Variants in SF3A3 observed in about 807,000 individuals in gnomAD.
SF3A3 encodes the protein splicing factor 3a subunit 3.
SF3A3 carries 9 observed loss-of-function variants against 85.8 expected under a neutral mutation model. The observed-to-expected ratio is 0.10, with a 90% CI of 0.06 to 0.18. SF3A3 has a LOEUF of 0.18. Among genes scored for constraint, SF3A3 ranks in the 10% least tolerant of loss-of-function variants. The pLI is 1.00. For missense variants in SF3A3, 306 were observed against 593.3 expected, an observed-to-expected ratio of 0.52 and a Z score of 5.03; for synonymous variants, 195 against 204.4, an observed-to-expected ratio of 0.95 and a Z score of 0.39.
chr1:37,975,085 C>T (rs1646370555), intron 12 of SF3A3, among the ~76,000 whole-genome samples: 1 of 152,112 alleles, frequency 6.6e-6, no homozygotes, highest in African/African-American at 2.4e-5. Context: ...GCATAATGTC[C>T]AAAAACCAAC....
At chr1:37,979,167 C>A in intron 9 of SF3A3, 112 bp from the exon 10 acceptor site, 1 of 827,940 alleles carries the variant, frequency 1.2e-6, no homozygotes. Flanking sequence ...ACACATTTCA[C>A]AGCCAATCTA....
At chr1:37,985,410 G>A (rs925537032) in intron 4 of SF3A3, among the ~76,000 whole-genome samples, 10 of 121,104 alleles carry the variant, frequency 8.3e-5, no homozygotes, top group Non-Finnish European at 1.7e-4. Flanking sequence ...TCACCTGGGG[G>A]AGTTTTTTTT....
chr1:37,986,643 C>T (rs1422557750), intron 4 of SF3A3, among the ~76,000 whole-genome samples: 3 of 151,686 alleles, frequency 2.0e-5, no homozygotes, highest in African/African-American at 7.3e-5. Context: ...AACCCTGTCT[C>T]AACTAAAAAA....
chr1:37,963,626 G>C (rs1224011045), intron 15 of SF3A3, among the ~76,000 whole-genome samples: 3 of 150,412 alleles, frequency 2.0e-5, no homozygotes, highest in Non-Finnish European at 4.4e-5. Flanking sequence ...GCAGGATCTC[G>C]GCTCACTGCA....
At chr1:37,974,539 T>G (rs576097675) in intron 12 of SF3A3, among the ~76,000 whole-genome samples, 1 of 152,270 alleles carries the variant, frequency 6.6e-6, no homozygotes, top group Admixed American at 6.5e-5. Context: ...CCTGACCTTG[T>G]GATCTGCCCG....
At chr1:37,989,437 G>A (rs542860436) in intron 2 of SF3A3, 111 bp downstream of exon 2, 156 of 1,194,070 alleles carry the variant, frequency 1.3e-4, no homozygotes, top group Non-Finnish European at 4.7e-6. Flanking sequence ...CCCGCGACTG[G>A]CCAATCCGGT....
intron 12 of SF3A3, among the ~76,000 whole-genome samples, chr1:37,975,809 A>G (rs915726739): frequency 3.9e-5 from 6 of 152,378 alleles, no homozygotes; most frequent in African/African-American, 1.4e-4. Flanking sequence ...TATCTGATCC[A>G]GAGCCATCCA....
chr1:37,980,773 T>C (rs1646412553), intron 7 of SF3A3, 49 bp from the exon 8 acceptor site: 3 of 1,519,098 alleles, frequency 2.0e-6, no homozygotes, highest in East Asian at 4.6e-5. Context: ...TTTCTATTTT[T>C]GGTATCTTGT....
In SF3A3 at chr1:37,965,302, C is replaced by CAAAA. The variant is rs55747818; in HGVS notation, c.1372+2738_1372+2741dup. On this transcript the variant is annotated intron_variant, in intron 15 of 16. Transcript: ENST00000373019. ...GCAACATAAGGAAACCCCATCGGCA[C>CAAAA]AAAAAAAAAAAAAAAAAGAAAATAA... Among the ~76,000 whole-genome samples the CAAAA allele has an allele frequency of 4.0e-4, 40 of 100,292 alleles. 1 individual carries two copies. The highest frequency in any genetic ancestry group is 5.2e-4 in the African/African-American group (13 of 24,822). 65.8% of individuals were successfully genotyped at this position (100,292 alleles called of 152,430 possible). A position where few individuals can be genotyped will look rare whatever the true frequency, so the allele number is the denominator to read the frequency against.
At chr1:37,966,325 G>GCGGT (rs1041047208) in intron 15 of SF3A3, among the ~76,000 whole-genome samples, 1 of 152,104 alleles carries the variant, frequency 6.6e-6, no homozygotes, top group African/African-American at 2.4e-5. Context: ...AGGAAGCCTG[G>GCGGT]CGGTGGTCCT....
At chr1:37,986,736 C>T (rs1429819239) in intron 4 of SF3A3, among the ~76,000 whole-genome samples, 1 of 128,900 alleles carries the variant, frequency 7.8e-6, no homozygotes, top group South Asian at 2.6e-4. Context: ...GGCATGAACT[C>T]GGGAGGTGGA....
At chr1:37,961,341 T>G (rs1300452374) in intron 15 of SF3A3, among the ~76,000 whole-genome samples, 2 of 152,212 alleles carry the variant, frequency 1.3e-5, no homozygotes, top group African/African-American at 4.8e-5. Flanking sequence ...TCCCAGCACT[T>G]TGGGAAGCTG....
chr1:37,984,686 G>C (rs767167929), intron 5 of SF3A3, 21 bp downstream of exon 5: 8 of 1,550,630 alleles, frequency 5.2e-6, no homozygotes, highest in Non-Finnish European at 6.2e-6. Context: ...GGTGCTGAAT[G>C]AAATTTTCAC....
intron 15 of SF3A3, 107 bp from the exon 16 acceptor site, chr1:37,960,282 G>T: frequency 9.6e-7 from 1 of 1,042,368 alleles, no homozygotes; most frequent in Non-Finnish European, 1.5e-6. Flanking sequence ...AGAAGACTCT[G>T]CCTTTGAGAT....
intron 15 of SF3A3, among the ~76,000 whole-genome samples, chr1:37,961,182 T>C (rs896202522): frequency 5.3e-5 from 8 of 152,100 alleles, no homozygotes; most frequent in Non-Finnish European, 1.0e-4. Flanking sequence ...AAGCCTAAGA[T>C]GGGTGAATGA....
chr1:37,968,347 T>C (rs922324125), intron 14 of SF3A3, among the ~76,000 whole-genome samples: 3 of 152,200 alleles, frequency 2.0e-5, no homozygotes, highest in African/African-American at 7.2e-5. Flanking sequence ...CCTCACTGGG[T>C]TGGCTTGTAA....
intron 15 of SF3A3, among the ~76,000 whole-genome samples, chr1:37,965,302 C>CAAAAA (rs55747818): frequency 2.6e-4 from 26 of 100,324 alleles, no homozygotes; most frequent in East Asian, 5.8e-4. Context: ...CCCATCGGCA[C>CAAAAA]AAAAAAAAAA....
intron 4 of SF3A3, among the ~76,000 whole-genome samples, chr1:37,985,113 C>T (rs1464921183): frequency 3.3e-5 from 5 of 152,078 alleles, no homozygotes; most frequent in African/African-American, 7.2e-5. Flanking sequence ...TGACCGCAGG[C>T]GGATTTTTCA....
chr1:37,978,004 G>A (rs1423107047), intron 11 of SF3A3, among the ~76,000 whole-genome samples: 2 of 151,736 alleles, frequency 1.3e-5, no homozygotes, highest in African/African-American at 2.4e-5. Flanking sequence ...GCAACAGAGC[G>A]AGATTCCATC....
Sources: gnomAD v4.1 joint callset for allele counts (sites outside exome capture counted in the v4.1 genomes callset) on GRCh38, gnomAD v4.1.1 for gene constraint, MANE v1.5 for transcripts, NCBI Gene and HGNC (gene_info 2026-07-23, HGNC 2026-07-21) for gene names.